MPPED2: variants seen among roughly 807,000 people sequenced by gnomAD.
MPPED2 encodes metallophosphoesterase domain containing 2.
In MPPED2, 5 loss-of-function variants were observed where a neutral mutation model predicts 33.0. That is an observed-to-expected ratio of 0.15 (90% CI 0.08 to 0.32). The LOEUF is 0.32. MPPED2 is among the 10% of genes least tolerant of loss of function. MPPED2 has a pLI of 1.00. For missense variants in MPPED2, 275 were observed against 372.1 expected (o/e 0.74, Z 2.15); for synonymous variants, 136 against 141.9 (o/e 0.96, Z 0.29).
intron 6 of MPPED2, chr11:30,389,025 T>A (rs1590146432): frequency 6.7e-7 from 1 of 1,486,456 alleles, no homozygotes; most frequent in East Asian, 2.5e-5. Flanking sequence ...ATTATTCAGT[T>A]TTCTCTCTGA....
At chr11:30,532,214 C>G (rs114889649) in intron 3 of MPPED2, among the ~76,000 whole-genome samples, 1,750 of 152,318 alleles carry the variant, frequency 0.011, 29 homozygotes, top group African/African-American at 0.04. Context: ...CATCCAAATT[C>G]TATCCCAACT....
At position 30,410,927 on chromosome 11, in the gene MPPED2, T is replaced by C. The variant is rs942029373; in HGVS notation, c.*541A>G. On this transcript the variant is annotated 3_prime_UTR_variant, in exon 7 of 7. Coordinates refer to ENST00000358117, the MANE Select transcript of MPPED2 (RefSeq NM_001584.3). ...ATTTTCTTCTCAATGCAGCTTTCTTTATAGTGAGAGTATGAAAAGAAGTCT... is the reference window on the plus strand; with the variant it reads ...ATTTTCTTCTCAATGCAGCTTTCTTCATAGTGAGAGTATGAAAAGAAGTCT... 5.1e-6 allele frequency: 5 copies of C among 985,692 alleles called. No homozygotes were observed. In the African/African-American group the frequency reaches 7.0e-5, roughly 14 times the overall value. The allele number at this position is 985,692 out of a possible 1,614,324, so 61.1% of individuals were successfully genotyped here.
intron 4 of MPPED2, among the ~76,000 whole-genome samples, chr11:30,445,826 T>C (rs897925419): frequency 3.9e-5 from 6 of 152,260 alleles, no homozygotes; most frequent in African/African-American, 1.2e-4. Context: ...ATTTTAGGTA[T>C]CTATGTTTTG....
At chr11:30,527,049 C>T (rs1450835661) in intron 3 of MPPED2, among the ~76,000 whole-genome samples, 2 of 152,040 alleles carry the variant, frequency 1.3e-5, no homozygotes, top group South Asian at 2.1e-4. Context: ...CTCAGCCTCT[C>T]GGAGTAGCTG....
chr11:30,393,168 C>T (rs1590150553), intron 6 of MPPED2, among the ~76,000 whole-genome samples: 1 of 152,316 alleles, frequency 6.6e-6, no homozygotes, highest in East Asian at 1.9e-4. Flanking sequence ...CTCTCCACCA[C>T]ACCTGCTGGG....
intron 4 of MPPED2, among the ~76,000 whole-genome samples, chr11:30,421,119 T>C (rs1948592413): frequency 6.6e-6 from 1 of 152,220 alleles, no homozygotes; most frequent in Non-Finnish European, 1.5e-5. Context: ...CGAGGAGATC[T>C]GATTTTGCTG....
At chr11:30,427,406 G>T (rs1011933062) in intron 4 of MPPED2, among the ~76,000 whole-genome samples, 17 of 152,176 alleles carry the variant, frequency 1.1e-4, no homozygotes, top group African/African-American at 4.1e-4. Flanking sequence ...TTATCAAGGG[G>T]ATATACAGTT....
chr11:30,436,466 CAG>C (rs1949331886), intron 4 of MPPED2, among the ~76,000 whole-genome samples: 1 of 152,172 alleles, frequency 6.6e-6, no homozygotes, highest in Admixed American at 6.5e-5. Flanking sequence ...GGTTAAGAGC[CAG>C]AGTCTAAGGC....
Position 30,424,846 on chromosome 11 carries a change from A to G in MPPED2, c.537-7213T>C, listed in dbSNP as rs1006919510. On this transcript the variant is annotated intron_variant, in intron 4 of 6. Transcript: ENST00000358117. ...AGAGCAACTTCACACCTTGTGCAGC[A>G]AAGAGACACACACACACCAATTGAC... Among the ~76,000 whole-genome samples, 3 of 152,240 alleles carry G rather than the reference A, an allele frequency of 2.0e-5. No individual in the cohort carries two copies. The South Asian group carries it at 6.2e-4, about 32-fold the overall frequency.
At chr11:30,571,343 A>C (rs1258885785) in intron 2 of MPPED2, among the ~76,000 whole-genome samples, 5 of 152,120 alleles carry the variant, frequency 3.3e-5, no homozygotes, top group Non-Finnish European at 1.5e-5. Flanking sequence ...AAATTGAATA[A>C]AACCAATCTT....
At chr11:30,468,254 ACACTCTCTCTCTCT>A (rs1046734787) in intron 4 of MPPED2, among the ~76,000 whole-genome samples, 7 of 107,972 alleles carry the variant, frequency 6.5e-5, no homozygotes, top group East Asian at 3.2e-4. Context: ...ACACACACAC[ACACTCTCTCTCTCT>A]CTCTCTCTCT....
intron 4 of MPPED2, among the ~76,000 whole-genome samples, chr11:30,477,117 T>C (rs1262125329): frequency 1.3e-5 from 2 of 152,136 alleles, no homozygotes; most frequent in Non-Finnish European, 2.9e-5. Context: ...AGCAGTTGTT[T>C]TGTAAATTCC....
At chr11:30,556,884 A>C (rs1213599386) in intron 2 of MPPED2, among the ~76,000 whole-genome samples, 2 of 151,976 alleles carry the variant, frequency 1.3e-5, no homozygotes, top group African/African-American at 2.4e-5. Context: ...ATATGACCCT[A>C]TAGGCCAGAA....
chr11:30,401,272 C>A (rs749489443), intron 6 of MPPED2, among the ~76,000 whole-genome samples: 2 of 152,148 alleles, frequency 1.3e-5, no homozygotes, highest in Non-Finnish European at 2.9e-5. Context: ...CTTATTTGCC[C>A]TGGTGCTGTG....
chr11:30,437,415 C>T (rs185875967), intron 4 of MPPED2, among the ~76,000 whole-genome samples: 1 of 152,260 alleles, frequency 6.6e-6, no homozygotes, highest in Admixed American at 6.5e-5. Flanking sequence ...TTAAGTGAGA[C>T]CTGAAAGCTT....
At chr11:30,529,523 TTG>T (rs35929058) in intron 3 of MPPED2, among the ~76,000 whole-genome samples, 219 of 150,124 alleles carry the variant, frequency 1.5e-3, no homozygotes, top group Middle Eastern at 3.4e-3. Context: ...CAAAAGATAT[TTG>T]TGTGTGTGTG....
chr11:30,562,081 G>C (rs545490326), intron 2 of MPPED2, among the ~76,000 whole-genome samples: 1 of 152,232 alleles, frequency 6.6e-6, no homozygotes, highest in African/African-American at 2.4e-5. Context: ...AAAAGACCTA[G>C]AAGCATATAG....
chr11:30,511,427 T>C (rs1181016367), intron 3 of MPPED2, among the ~76,000 whole-genome samples: 1 of 152,182 alleles, frequency 6.6e-6, no homozygotes, highest in Non-Finnish European at 1.5e-5. Context: ...GCAGGTCCTA[T>C]GAAAGAGAGT....
At chr11:30,579,218 A>G (rs1957059916) in intron 2 of MPPED2, among the ~76,000 whole-genome samples, 1 of 151,632 alleles carries the variant, frequency 6.6e-6, no homozygotes, top group South Asian at 2.1e-4. Context: ...GGGGTGTCCT[A>G]CTATTTTTTT....
Sources: allele counts gnomAD v4.1 joint callset (sites outside exome capture counted in the v4.1 genomes callset), GRCh38; gene constraint gnomAD v4.1.1; transcripts MANE v1.5; gene names NCBI Gene and HGNC (gene_info 2026-07-23, HGNC 2026-07-21).